DKK4: variants seen among roughly 807,000 people sequenced by gnomAD.
The protein encoded by DKK4 is dickkopf Wnt signaling pathway inhibitor 4, also known as dickkopf-related protein 4.
A neutral mutation model predicts 14.5 loss-of-function variants in DKK4; 15 were observed. The ratio of observed to expected loss-of-function variants is 1.03; its 90% CI spans 0.69 to 1.59. The LOEUF is 1.59. DKK4 is among the 40% of genes most tolerant of loss of function. The probability of loss-of-function intolerance (pLI) is 0.00; values close to 1 mark genes in which losing one functional copy is unlikely to be tolerated. For missense variants in DKK4, 272 were observed against 280.3 expected (o/e 0.97, Z 0.21); for synonymous variants, 89 against 105.2 (o/e 0.85, Z 0.94).
At chr8:42,385,055 A>G in the DKK4 span, among the ~76,000 whole-genome samples, 2 of 152,186 alleles carry the variant, frequency 1.3e-5, no homozygotes, top group Non-Finnish European at 2.9e-5. Context: ...TATGGTGACA[A>G]CATTGGTTTC....
At position 42,374,794 on chromosome 8, in the gene DKK4, TC is replaced by T. The variant is rs772924180; in HGVS notation, c.381del (p.Lys128SerfsTer19). 6.2e-7 allele frequency: 1 copy of T among 1,614,262 alleles called. No individual in the cohort carries two copies. Among genetic ancestry groups the T allele is most frequent in the Non-Finnish European group, 8.5e-7 (1 of 1,180,054 alleles). ...GHPVQENQPK[R>X]KPSIKKSQGR... ...CCTTGTGATTTCTTAATACTTGGCT[TC>T]CTTTTGGGTTGGTTTTCCTGGACTG... On this transcript the variant is annotated frameshift_variant, in exon 3 of 4. Coordinates refer to ENST00000220812, the MANE Select transcript of DKK4 (RefSeq NM_014420.3). LOFTEE classifies it low-confidence loss of function (END_TRUNC).
chr8:42,386,007 ATGCCTACATC>A, the DKK4 span, among the ~76,000 whole-genome samples: 4 of 152,220 alleles, frequency 2.6e-5, no homozygotes, highest in African/African-American at 9.6e-5. Flanking sequence ...GCCATTACTA[ATGCCTACATC>A]TGCTCATGTG....
chr8:42,387,344 CTTTTTTTT>C, the DKK4 span, among the ~76,000 whole-genome samples: 4 of 44,908 alleles, frequency 8.9e-5, no homozygotes, highest in Non-Finnish European at 1.3e-4. Flanking sequence ...GAAGGCCAGT[CTTTTTTTT>C]TTTTTTTTTT....
chr8:42,380,667 GAAGA>G (rs1275265989), upstream of DKK4, among the ~76,000 whole-genome samples: 1 of 140,388 alleles, frequency 7.1e-6, no homozygotes, highest in African/African-American at 2.7e-5. Flanking sequence ...AGGAAGAAAG[GAAGA>G]AAGAGAAAGA....
In DKK4 at chr8:42,377,172, T is replaced by G; in HGVS notation, c.-127A>C. On this transcript the variant is annotated 5_prime_UTR_variant, in exon 1 of 4. Transcript: ENST00000220812. ...ACGTCGTCTGTTTGTCACTGCTTTT[T>G]CTGAAAGAAGTAAACCTTAGTCTGA... The G allele has an allele frequency of 1.4e-6, 1 of 724,370 alleles. No homozygotes were observed. The highest frequency in any genetic ancestry group is 2.3e-6 in the Non-Finnish European group (1 of 441,946). The allele number at this position is 724,370 out of a possible 1,614,324, so 44.9% of individuals were successfully genotyped here.
chr8:42,381,352 A>C (rs1015725020), upstream of DKK4, among the ~76,000 whole-genome samples: 11 of 152,296 alleles, frequency 7.2e-5, no homozygotes, highest in African/African-American at 2.6e-4. Context: ...CGCACAATCA[A>C]CTGTTTGCAG....
upstream of DKK4, among the ~76,000 whole-genome samples, chr8:42,378,788 C>T (rs1038867027): frequency 2.0e-5 from 3 of 151,924 alleles, no homozygotes; most frequent in Admixed American, 6.6e-5. Context: ...AACAGAGCCT[C>T]GGATTACATG....
the DKK4 span, among the ~76,000 whole-genome samples, chr8:42,387,344 C>CTTTTTT: frequency 6.7e-4 from 30 of 44,906 alleles, 2 homozygotes; most frequent in Non-Finnish European, 1.2e-3. Context: ...GAAGGCCAGT[C>CTTTTTT]TTTTTTTTTT....
the DKK4 span, among the ~76,000 whole-genome samples, chr8:42,390,553 C>G: frequency 6.6e-6 from 1 of 151,034 alleles, no homozygotes. Flanking sequence ...TTAGTAGAGG[C>G]GGGGTTTCAC....
the DKK4 span, among the ~76,000 whole-genome samples, chr8:42,383,667 G>T: frequency 6.6e-6 from 1 of 152,230 alleles, no homozygotes; most frequent in African/African-American, 2.4e-5. Flanking sequence ...GGTTGGCCGG[G>T]CACGGTGGCT....
At chr8:42,380,427 A>G (rs146731219), upstream of DKK4, among the ~76,000 whole-genome samples, 377 of 147,066 alleles carry the variant, frequency 2.6e-3, 6 homozygotes, top group African/African-American at 8.7e-3. Flanking sequence ...AAAGAAGGGA[A>G]AGAAGAAGAG....
the DKK4 span, among the ~76,000 whole-genome samples, chr8:42,385,805 G>A: frequency 6.6e-6 from 1 of 151,998 alleles, no homozygotes; most frequent in Middle Eastern, 3.2e-3. Context: ...AATTATAAAA[G>A]AAATACATTC....
In DKK4 at chr8:42,374,676, T is replaced by G. The variant is rs930868078; in HGVS notation, c.415+85A>C. 75 of 1,550,830 alleles carry G rather than the reference T, an allele frequency of 4.8e-5. No individual in the cohort carries two copies. The African/African-American group carries it at 7.4e-4, about 15-fold the overall frequency. ...TAAGTGTTTCTGGGATGGAGAAGAA[T>G]AAAATCAGTCTCACCCTATCCTTAA... On this transcript the variant is annotated intron_variant, in intron 3 of 3. Transcript: ENST00000220812.
upstream of DKK4, among the ~76,000 whole-genome samples, chr8:42,378,066 C>T (rs73622183): frequency 0.078 from 11,803 of 152,172 alleles, 804 homozygotes; most frequent in African/African-American, 0.18. Context: ...TTTCCTAATA[C>T]GAATTTTTTA....
the DKK4 span, among the ~76,000 whole-genome samples, chr8:42,384,257 G>A: frequency 1.3e-5 from 2 of 152,108 alleles, no homozygotes; most frequent in South Asian, 2.1e-4. Flanking sequence ...AAACTCCTGA[G>A]CTCAGCTCCC....
Position 42,374,870 on chromosome 8 carries a change from C to A in DKK4, c.306G>T (p.Arg102Ser). The stretch of plus-strand genomic sequence containing the variant: ...GTGTGCCATCTTGCTCATCAAGCTG[C>A]CTTTCTAATATTGGGGTTGCATCTT... ...TMEDATPILE[R>S]QLDEQDGTHA... The change falls in exon 3 of 4, where the codon AGG becomes AGT. Residue 102 changes from arginine (R) to serine (S), a missense_variant. By Grantham distance (110) the Arg-to-Ser change is moderately radical (BLOSUM62 -1). Transcript: ENST00000220812. 6.2e-7 allele frequency: 1 copy of A among 1,614,170 alleles called. No homozygotes were observed. The highest frequency in any genetic ancestry group is 8.5e-7 in the Non-Finnish European group (1 of 1,180,044).
Position 42,374,759 on chromosome 8 carries a change from AC to A in DKK4, c.415+1del. 6.2e-7 allele frequency: 1 copy of A among 1,614,082 alleles called. No homozygotes were observed. The highest frequency in any genetic ancestry group is 8.5e-7 in the Non-Finnish European group (1 of 1,179,994). Reference sequence around the variant, plus strand: ...AAAATATGCTGCGAATGCTGTTCTTACCCTTCCTGCCTTGTGATTTCTTAAT... The same window carrying A: ...AAAATATGCTGCGAATGCTGTTCTTACCTTCCTGCCTTGTGATTTCTTAAT... On this transcript the variant is annotated splice_donor_variant, in intron 3 of 3. Coordinates refer to ENST00000220812, the MANE Select transcript of DKK4 (RefSeq NM_014420.3). LOFTEE classifies it high-confidence loss of function.
At chr8:42,379,784 A>C (rs1347209771), upstream of DKK4, among the ~76,000 whole-genome samples, 1 of 151,990 alleles carries the variant, frequency 6.6e-6, no homozygotes, top group Non-Finnish European at 1.5e-5. Context: ...TGCTAGTGAG[A>C]GATTGTGTGG....
upstream of DKK4, among the ~76,000 whole-genome samples, chr8:42,379,120 G>A (rs1333293021): frequency 6.7e-6 from 1 of 149,628 alleles, no homozygotes; most frequent in Non-Finnish European, 1.5e-5. Flanking sequence ...GCGTGGTGGT[G>A]GTCACCTGTA....
Sources: allele counts gnomAD v4.1 joint callset (sites outside exome capture counted in the v4.1 genomes callset), GRCh38; gene constraint gnomAD v4.1.1; transcripts MANE v1.5; gene names NCBI Gene and HGNC (gene_info 2026-07-23, HGNC 2026-07-21).